The following LHPP variants were observed in gnomAD, a reference collection of about 807,000 sequenced individuals.
The protein encoded by LHPP is phospholysine phosphohistidine inorganic pyrophosphate phosphatase, also known as hLHPP.
LHPP carries 24 observed loss-of-function variants against 30.3 expected under a neutral mutation model. That is an observed-to-expected ratio of 0.79 (90% CI 0.57 to 1.11). The LOEUF (loss-of-function observed/expected upper bound fraction) is 1.11, where lower values mean the gene tolerates loss of function less well. Ranked by LOEUF, LHPP falls within the 50% of genes most tolerant of loss-of-function variation. The pLI is 0.00. For missense variants in LHPP, 356 were observed against 367.2 expected (o/e 0.97, Z 0.25); for synonymous variants, 150 against 157.1 (o/e 0.95, Z 0.34).
chr10:124,472,285 C>G (rs1952803397), intron 1 of LHPP, among the ~76,000 whole-genome samples: 1 of 152,104 alleles, frequency 6.6e-6, no homozygotes, highest in Admixed American at 6.6e-5. Flanking sequence ...TGCACCCCAG[C>G]CTGGGAGACA....
Position 124,523,917 on chromosome 10 carries a change from C to T in LHPP, c.716+6646C>T, listed in dbSNP as rs1954668857. Among the ~76,000 whole-genome samples, 1 of 152,188 alleles carries T rather than the reference C, an allele frequency of 6.6e-6. No homozygotes were observed. Among genetic ancestry groups the T allele is most frequent in the Admixed American group, 6.5e-5 (1 of 15,282 alleles). On this transcript the variant is annotated intron_variant, in intron 6 of 6. Coordinates refer to ENST00000368842, the MANE Select transcript of LHPP (RefSeq NM_022126.4). This position sits in a 1 kb window ranked among gnomAD's most constrained non-coding sequence, Gnocchi z 4.2. ...ACATCCTCTCAGCAGCCCTCTGGTC[C>T]TGCCCGGGATAGAGGCTGTGGCTTC... is the stretch of plus-strand genomic sequence containing the variant.
chr10:124,473,194 A>T (rs771387515), intron 1 of LHPP, among the ~76,000 whole-genome samples: 1 of 152,126 alleles, frequency 6.6e-6, no homozygotes, highest in Non-Finnish European at 1.5e-5. Flanking sequence ...TACAAAGCTC[A>T]TGAATGGAGT....
chr10:124,512,472 C>T (rs1008094483), intron 5 of LHPP, among the ~76,000 whole-genome samples: 12 of 151,866 alleles, frequency 7.9e-5, no homozygotes, highest in Admixed American at 6.6e-5. Flanking sequence ...AAACAAACAG[C>T]GGGGCATGGT....
At chr10:124,466,314 G>C (rs1437293338) in intron 1 of LHPP, among the ~76,000 whole-genome samples, 1 of 152,204 alleles carries the variant, frequency 6.6e-6, no homozygotes, top group Non-Finnish European at 1.5e-5. Context: ...TATTTCTCCT[G>C]CTGTGTTTGC....
intron 6 of LHPP, among the ~76,000 whole-genome samples, chr10:124,529,731 C>T (rs557992622): frequency 3.9e-4 from 60 of 152,218 alleles, no homozygotes; most frequent in Non-Finnish European, 5.4e-4. Context: ...TCCCTGGAGC[C>T]ATGCAGAGAT....
chr10:124,559,040 C>T (rs771721652), intron 6 of LHPP, among the ~76,000 whole-genome samples: 5 of 152,194 alleles, frequency 3.3e-5, no homozygotes, highest in Non-Finnish European at 7.4e-5. Flanking sequence ...CCTATTCTCC[C>T]ATCTGGCCCT....
intron 6 of LHPP, among the ~76,000 whole-genome samples, chr10:124,535,306 G>A (rs1311110756): frequency 2.0e-5 from 3 of 152,180 alleles, no homozygotes; most frequent in Non-Finnish European, 2.9e-5. Flanking sequence ...CCTGGGAGTC[G>A]AACTCCGTCA....
intron 6 of LHPP, among the ~76,000 whole-genome samples, chr10:124,588,413 A>C (rs1003751926): frequency 7.2e-5 from 11 of 151,844 alleles, no homozygotes; most frequent in African/African-American, 2.7e-4. Context: ...CCTCCTGAGT[A>C]GCTGAGATTA....
At chr10:124,574,120 T>C (rs1187935250) in intron 6 of LHPP, among the ~76,000 whole-genome samples, 1 of 152,088 alleles carries the variant, frequency 6.6e-6, no homozygotes, top group Non-Finnish European at 1.5e-5. Context: ...ATAGACCACA[T>C]GTGTCATCTG....
intron 1 of LHPP, among the ~76,000 whole-genome samples, chr10:124,472,748 G>T (rs1351919432): frequency 1.3e-5 from 2 of 152,076 alleles, no homozygotes; most frequent in Non-Finnish European, 2.9e-5. Context: ...AGTAGAGACG[G>T]AGTTTCACTA....
At position 124,592,569 on chromosome 10, in the gene LHPP, C is replaced by T. The variant is rs1043228833; in HGVS notation, c.717-20695C>T. Reference sequence around the variant, plus strand: ...CCAGTCCTCAGTTTCCCCTTCTCTCCGGCACCCTCCTGAGGACCACTGAGC... The same window carrying T: ...CCAGTCCTCAGTTTCCCCTTCTCTCTGGCACCCTCCTGAGGACCACTGAGC... On this transcript the variant is annotated intron_variant, in intron 6 of 6. Transcript: ENST00000368842. The surrounding 1 kb of genome is among the most constrained non-coding windows in gnomAD (Gnocchi z 6.2). Among the ~76,000 whole-genome samples the T allele has an allele frequency of 2.6e-5, 4 of 152,190 alleles. No homozygotes were observed. Among genetic ancestry groups the T allele is most frequent in the South Asian group, 2.1e-4 (1 of 4,832 alleles).
At chr10:124,575,812 C>A (rs1049655277) in intron 6 of LHPP, among the ~76,000 whole-genome samples, 4 of 152,312 alleles carry the variant, frequency 2.6e-5, no homozygotes, top group African/African-American at 7.2e-5. Flanking sequence ...ACCCTGACCC[C>A]CAAAGGCATT....
At chr10:124,543,371 C>T (rs528189083) in intron 6 of LHPP, among the ~76,000 whole-genome samples, 40 of 152,388 alleles carry the variant, frequency 2.6e-4, no homozygotes, top group Admixed American at 2.0e-3. Flanking sequence ...ATCCCACAGC[C>T]ATCTTTCCAG....
intron 6 of LHPP, among the ~76,000 whole-genome samples, chr10:124,529,022 GATTCTTTTTTTTTTT>G (rs1954816457): frequency 7.8e-6 from 1 of 127,516 alleles, no homozygotes; most frequent in Non-Finnish European, 1.6e-5. Flanking sequence ...GAATTTGGGG[GATTCTTTTTTTTTTT>G]TTTTTTTTTT....
chr10:124,488,693 ATCT>A (rs1353309632), intron 3 of LHPP, 118 bp downstream of exon 3: 27 of 823,720 alleles, frequency 3.3e-5, no homozygotes, highest in Admixed American at 5.4e-5. Flanking sequence ...AGCACCGGTG[ATCT>A]TCTTTTCCCT....
chr10:124,493,945 G>A (rs1016526522), intron 3 of LHPP: 1 of 152,100 alleles, frequency 6.6e-6, no homozygotes, highest in Non-Finnish European at 1.5e-5. Flanking sequence ...TTGTTTTTCT[G>A]AATGAATAAG....
rs1283936180 is a variant in LHPP at position 124,517,395 on chromosome 10, C to A, written c.716+124C>A. On this transcript the variant is annotated intron_variant, in intron 6 of 6. Transcript: ENST00000368842. This position sits in a 1 kb window ranked among gnomAD's most constrained non-coding sequence, Gnocchi z 4.1. ...AATCAAAGAGCAGTATGTGGGCATTCACTATCTTGTATGTAATGGACCTCT... is the reference window on the plus strand; with the variant it reads ...AATCAAAGAGCAGTATGTGGGCATTAACTATCTTGTATGTAATGGACCTCT... 3.2e-6 allele frequency: 2 copies of A among 619,256 alleles called. No individual in the cohort carries two copies. The highest frequency in any genetic ancestry group is 5.4e-6 in the Non-Finnish European group (2 of 371,806). 38.4% of individuals were successfully genotyped at this position (619,256 alleles called of 1,614,324 possible).
chr10:124,557,745 A>G (rs74160929), intron 6 of LHPP, among the ~76,000 whole-genome samples: 3,472 of 152,112 alleles, frequency 0.023, 111 homozygotes, highest in African/African-American at 0.079. Context: ...ATGCCAGGCA[A>G]GGCTGGCCAA....
intron 6 of LHPP, among the ~76,000 whole-genome samples, chr10:124,606,208 C>CT (rs1949090776): frequency 6.6e-6 from 1 of 152,018 alleles, no homozygotes; most frequent in African/African-American, 2.4e-5. Context: ...CAGCCAGGCC[C>CT]CGAGGGCCAG....
Sources: allele counts gnomAD v4.1 joint callset (sites outside exome capture counted in the v4.1 genomes callset), GRCh38; gene constraint gnomAD v4.1.1; non-coding constraint Gnocchi (gnomAD v3.1); transcripts MANE v1.5; gene names NCBI Gene and HGNC (gene_info 2026-07-23, HGNC 2026-07-21).